The following PPP2R5C variants were observed in gnomAD, a reference collection of about 807,000 sequenced individuals.
PPP2R5C encodes the protein serine/threonine-protein phosphatase 2A 56 kDa regulatory subunit gamma isoform.
Under a neutral mutation model 68.9 loss-of-function variants are expected in PPP2R5C, and 7 were observed. The ratio of observed to expected loss-of-function variants is 0.10; its 90% CI spans 0.06 to 0.19. PPP2R5C has a LOEUF of 0.19. Among genes scored for constraint, PPP2R5C ranks in the 10% least tolerant of loss-of-function variants. PPP2R5C has a pLI of 1.00. For synonymous variants in PPP2R5C, 210 were observed against 222.2 expected, an observed-to-expected ratio of 0.95 and a Z score of 0.49; for missense variants, 348 against 641.3, an observed-to-expected ratio of 0.54 and a Z score of 4.94.
chr14:101,761,706 GCCGCCGCCGT>G, upstream of PPP2R5C: 7 of 517,106 alleles, frequency 1.4e-5, no homozygotes, highest in Non-Finnish European at 1.2e-5. Context: ...CGCCGCCGCC[GCCGCCGCCGT>G]GGCTGCCGCA....
chr14:101,818,433 C>T (rs1437043736), intron 1 of PPP2R5C: 2 of 153,154 alleles, frequency 1.3e-5, no homozygotes, highest in Non-Finnish European at 2.9e-5. Flanking sequence ...GTCAGGAGTT[C>T]AAGACCAGCC....
chr14:101,872,727 G>C (rs2140797963), intron 2 of PPP2R5C, among the ~76,000 whole-genome samples: 1 of 152,180 alleles, frequency 6.6e-6, no homozygotes, highest in South Asian at 2.1e-4. Context: ...CTCTTTTTAA[G>C]TCATTTGATT....
intron 2 of PPP2R5C, among the ~76,000 whole-genome samples, chr14:101,880,362 C>T (rs745734224): frequency 3.9e-5 from 6 of 152,152 alleles, no homozygotes; most frequent in Non-Finnish European, 5.9e-5. Flanking sequence ...TTGGTCTTTA[C>T]GTCAGCTCCC....
At chr14:101,799,885 T>G (rs1271779907) in intron 3 of PPP2R5C, among the ~76,000 whole-genome samples, 1 of 152,250 alleles carries the variant, frequency 6.6e-6, no homozygotes, top group Admixed American at 6.5e-5. Flanking sequence ...CAGCCCTTTC[T>G]TTGTTCCTAG....
intron 2 of PPP2R5C, chr14:101,765,853 C>T (rs2036834225): frequency 6.6e-6 from 1 of 151,168 alleles, no homozygotes. Flanking sequence ...TCCCAAAGTG[C>T]TGGGATTACA....
intron 2 of PPP2R5C, among the ~76,000 whole-genome samples, chr14:101,871,353 T>C (rs1173213250): frequency 6.6e-6 from 1 of 152,096 alleles, no homozygotes; most frequent in African/African-American, 2.4e-5. Flanking sequence ...GCCATTCTCC[T>C]GCCTCAGCCT....
Position 101,879,222 on chromosome 14 carries a change from C to T in PPP2R5C, c.295-2939C>T, listed in dbSNP as rs561532164. ...CAGAGCAGAGGGGAAGGGCAGCTGCCTGTTCTGCTCAGTTGCTCCCTGTGG... is the reference window on the plus strand; with the variant it reads ...CAGAGCAGAGGGGAAGGGCAGCTGCTTGTTCTGCTCAGTTGCTCCCTGTGG... On this transcript the variant is annotated intron_variant, in intron 2 of 13. Coordinates refer to ENST00000334743, the Ensembl canonical transcript of PPP2R5C. This position sits in a 1 kb window ranked among gnomAD's most constrained non-coding sequence, Gnocchi z 4.2. The T allele has an allele frequency of 3.3e-5, 5 of 152,424 alleles. No individual in the cohort carries two copies. Among genetic ancestry groups the T allele is most frequent in the Non-Finnish European group, 5.9e-5 (4 of 68,100 alleles). The allele number at this position is 152,424 out of a possible 1,614,324, so 9.4% of individuals were successfully genotyped here.
At chr14:101,803,899 T>C (rs1026367461) in intron 3 of PPP2R5C, among the ~76,000 whole-genome samples, 2 of 152,116 alleles carry the variant, frequency 1.3e-5, no homozygotes, top group South Asian at 4.1e-4. Context: ...AAAAAGCTTC[T>C]GCACAGCAAA....
chr14:101,842,474 G>T (rs935767027), intron 1 of PPP2R5C, among the ~76,000 whole-genome samples: 4 of 152,200 alleles, frequency 2.6e-5, no homozygotes, highest in Admixed American at 6.5e-5. Context: ...AGCAAGCTGG[G>T]GTTCGGCCCC....
Position 101,777,310 on chromosome 14 carries a change from A to G in PPP2R5C, c.94-8708A>G, listed in dbSNP as rs116422224. ...ACACTTGTTTTCAGTTCTTTTGGGT[A>G]TATGCCTAGGAGTGAGATTGCTGGG... On this transcript the variant is annotated intron_variant, in intron 2 of 14. Coordinates refer to the PPP2R5C transcript ENST00000328724. Among the ~76,000 whole-genome samples, 515 of 152,202 alleles carry G rather than the reference A, an allele frequency of 3.4e-3. 1 individual carries two copies. The highest frequency in any genetic ancestry group is 0.011 in the South Asian group (51 of 4,814).
chr14:101,880,917 G>A (rs777962463), intron 2 of PPP2R5C, among the ~76,000 whole-genome samples: 8 of 152,128 alleles, frequency 5.3e-5, no homozygotes, highest in Admixed American at 1.3e-4. Flanking sequence ...ACATCTTCTC[G>A]TTGTTATCGT....
At position 101,789,084 on chromosome 14, in the gene PPP2R5C, T is replaced by C. The variant is rs2038247154; in HGVS notation, c.259+2901T>C. Among the ~76,000 whole-genome samples, 3 of 152,234 alleles carry C rather than the reference T, an allele frequency of 2.0e-5. No individual in the cohort carries two copies. In the South Asian group the frequency reaches 6.2e-4, roughly 32 times the overall value. The stretch of plus-strand genomic sequence containing the variant: ...TCTTTTGCCGTCACCTTACCACATT[T>C]TCGTATTAGTCTTAATTAATTTTTC... On this transcript the variant is annotated intron_variant, in intron 3 of 14. Coordinates refer to the PPP2R5C transcript ENST00000328724.
intron 1 of PPP2R5C, chr14:101,817,907 C>G (rs941159377): frequency 1.3e-5 from 2 of 152,176 alleles, no homozygotes; most frequent in Non-Finnish European, 2.9e-5. Flanking sequence ...TTTCGTAGGT[C>G]ACGTATGGTA....
At chr14:101,774,455 C>T (rs904475002) in intron 2 of PPP2R5C, among the ~76,000 whole-genome samples, 1 of 152,184 alleles carries the variant, frequency 6.6e-6, no homozygotes, top group Non-Finnish European at 1.5e-5. Context: ...TCAGACCTAA[C>T]ATCAATCTCC....
chr14:101,898,540 C>T (rs1353091077), intron 8 of PPP2R5C, among the ~76,000 whole-genome samples: 1 of 152,162 alleles, frequency 6.6e-6, no homozygotes, highest in Non-Finnish European at 1.5e-5. Flanking sequence ...AGAGTGAGAG[C>T]TGTTAATTGC....
At chr14:101,779,085 T>C (rs2037553483) in intron 2 of PPP2R5C, among the ~76,000 whole-genome samples, 1 of 151,988 alleles carries the variant, frequency 6.6e-6, no homozygotes, top group African/African-American at 2.4e-5. Context: ...AAATAAAGTA[T>C]CTGAAAAGAC....
chr14:101,838,000 G>GA (rs1343305097), intron 1 of PPP2R5C, among the ~76,000 whole-genome samples: 1 of 151,910 alleles, frequency 6.6e-6, no homozygotes, highest in African/African-American at 2.4e-5. Flanking sequence ...CCAAATTAAT[G>GA]AAAAAATGAG....
chr14:101,779,316 G>A (rs1241278821), intron 2 of PPP2R5C, among the ~76,000 whole-genome samples: 1 of 152,170 alleles, frequency 6.6e-6, no homozygotes, highest in African/African-American at 2.4e-5. Flanking sequence ...CTTTGTAGAA[G>A]CAGACATGGG....
At chr14:101,761,861 G>GGGC (rs373744052), upstream of PPP2R5C, 377 of 1,100,398 alleles carry the variant, frequency 3.4e-4, no homozygotes, top group Non-Finnish European at 3.9e-4. Flanking sequence ...GCGGCGGCAG[G>GGGC]GGCGGCGGCG....
Sources: gnomAD v4.1 joint callset for allele counts (sites outside exome capture counted in the v4.1 genomes callset) on GRCh38, gnomAD v4.1.1 for gene constraint, Gnocchi (gnomAD v3.1) non-coding constraint, MANE v1.5 for transcripts, NCBI Gene and HGNC (gene_info 2026-07-23, HGNC 2026-07-21) for gene names.